Variants in FURIN observed in about 807,000 individuals in gnomAD.
FURIN encodes the protein FES upstream region.
FURIN carries 18 observed loss-of-function variants against 89.2 expected under a neutral mutation model. The ratio of observed to expected loss-of-function variants is 0.20; its 90% CI spans 0.14 to 0.30. FURIN has a LOEUF of 0.30. FURIN is among the 10% of genes least tolerant of loss of function. The pLI is 1.00. For synonymous variants in FURIN, 508 were observed against 466.4 expected, an observed-to-expected ratio of 1.09 and a Z score of -1.15; for missense variants, 879 against 1,100.5, an observed-to-expected ratio of 0.80 and a Z score of 2.85.
In FURIN at chr15:90,880,251, C is replaced by A. The variant is rs200240604; in HGVS notation, c.1534C>A (p.Arg512Ser). The A allele has an allele frequency of 6.2e-6, 10 of 1,607,948 alleles. No homozygotes were observed. The East Asian group carries it at 2.0e-4, about 32-fold the overall frequency. The change falls in exon 13 of 16, where the codon CGC (arginine) becomes AGC (serine). Residue 512 changes from arginine (R) to serine (S), a missense_variant. This residue lies in a region of FURIN where 457 missense variants were observed against 490.7 expected (regional missense o/e 0.93). Coordinates refer to ENST00000268171, the MANE Select transcript of FURIN (RefSeq NM_002569.4). ...CCACCTGGTCAGCCCCATGGGCACC[C>A]GCTCCACCCTGCTGGCAGCCAGGTG... ...AIHLVSPMGT[R>S]STLLAARPHD...
chr15:90,874,126 T>A (rs1643915244), intron 1 of FURIN, among the ~76,000 whole-genome samples: 1 of 152,246 alleles, frequency 6.6e-6, no homozygotes, highest in South Asian at 2.1e-4. Flanking sequence ...CCAGCAGCAC[T>A]GCTGGGACCT....
At position 90,878,138 on chromosome 15, in the gene FURIN, G is replaced by C; in HGVS notation, c.674G>C (p.Arg225Pro). ...GCCCCCCCTTCACGGCCAGGGGTGCGCATGCTGGATGGCGAGGTGACAGAT... is the reference window on the plus strand; with the variant it reads ...GCCCCCCCTTCACGGCCAGGGGTGCCCATGCTGGATGGCGAGGTGACAGAT... Reference protein sequence around the residue: ...VAYNARIGGVRMLDGEVTDAV... With the variant: ...VAYNARIGGVPMLDGEVTDAV... Residue 225 changes from arginine to proline, a missense_variant, in exon 8 of 16, where the codon CGC becomes CCC. By Grantham distance (103) the Arg-to-Pro change is moderately radical (BLOSUM62 -2). Coordinates refer to ENST00000268171, the MANE Select transcript of FURIN (RefSeq NM_002569.4). 6.2e-7 allele frequency: 1 copy of C among 1,613,718 alleles called. No individual in the cohort carries two copies. Among genetic ancestry groups the C allele is most frequent in the Non-Finnish European group, 8.5e-7 (1 of 1,179,992 alleles).
chr15:90,874,542 G>T (rs2031501189), intron 1 of FURIN, among the ~76,000 whole-genome samples: 1 of 152,236 alleles, frequency 6.6e-6, no homozygotes, highest in Admixed American at 6.5e-5. Context: ...ACCCCCTCAG[G>T]ACATGGCCCC....
intron 1 of FURIN, among the ~76,000 whole-genome samples, chr15:90,870,308 G>A (rs1400902248): frequency 6.6e-6 from 1 of 152,110 alleles, no homozygotes; most frequent in Non-Finnish European, 1.5e-5. Flanking sequence ...TAACCTCTCT[G>A]GGCCTCAGTT....
At chr15:90,880,868 T>TCGAGCACTGGGTGTGGTG in intron 14 of FURIN, 53 bp downstream of exon 14, 1 of 1,610,818 alleles carries the variant, frequency 6.2e-7, no homozygotes, top group Non-Finnish European at 8.5e-7. Context: ...TGGCAGGATC[T>TCGAGCACTGGGTGTGGTG]CGAGCACTGG....
Position 90,881,116 on chromosome 15 carries a change from C to A in FURIN, c.1792+76C>A. ...CGGGTGCCTGTCCTGAAGCCCAGCT[C>A]TAACAGAAAAAAGTCTCAAGAGACC... On this transcript the variant is annotated intron_variant, in intron 15 of 15. Transcript: ENST00000268171. This position sits in a 1 kb window ranked among gnomAD's most constrained non-coding sequence, Gnocchi z 4.3. 1 of 1,247,130 alleles carries A rather than the reference C, an allele frequency of 8.0e-7. No homozygotes were observed. Among genetic ancestry groups the A allele is most frequent in the South Asian group, 1.2e-5 (1 of 82,620 alleles). 77.3% of individuals were successfully genotyped at this position (1,247,130 alleles called of 1,614,324 possible). A position where few individuals can be genotyped will look rare whatever the true frequency, so the allele number is the denominator to read the frequency against.
At chr15:90,879,345 T>C in intron 9 of FURIN, 99 bp from the exon 10 acceptor site, 1 of 889,576 alleles carries the variant, frequency 1.1e-6, no homozygotes, top group Non-Finnish European at 1.9e-6. Flanking sequence ...CCATACCATC[T>C]GTGGTGCCCA....
chr15:90,880,310 G>A (rs764780826), intron 13 of FURIN, 37 bp downstream of exon 13: 23 of 1,535,394 alleles, frequency 1.5e-5, no homozygotes, highest in Admixed American at 7.2e-5. Flanking sequence ...GCCCAGCGCC[G>A]CCGCCTCTCA....
chr15:90,878,369 G>GT, intron 8 of FURIN, 65 bp downstream of exon 8: 3 of 1,325,304 alleles, frequency 2.3e-6, no homozygotes, highest in Non-Finnish European at 3.0e-6. Context: ...CCTATCTTGT[G>GT]TTTTTTGGTT....
rs2031941823 is a variant in FURIN, at chr15:90,881,133, CAA to C, written c.1792+94_1792+95del. ...GCCCAGCTCTAACAGAAAAAAGTCTCAAGAGACCTAGGGCCCCTGGGGCTCTT... is the reference window on the plus strand; with the variant it reads ...GCCCAGCTCTAACAGAAAAAAGTCTCGAGACCTAGGGCCCCTGGGGCTCTT... On this transcript the variant is annotated intron_variant, in intron 15 of 15. Transcript: ENST00000268171. The surrounding 1 kb of genome is among the most constrained non-coding windows in gnomAD (Gnocchi z 4.3). The C allele has an allele frequency of 1.7e-6, 2 of 1,167,232 alleles. No individual in the cohort carries two copies. Among genetic ancestry groups the C allele is most frequent in the African/African-American group, 1.5e-5 (1 of 65,590 alleles). The allele number at this position is 1,167,232 out of a possible 1,614,324, so 72.3% of individuals were successfully genotyped here.
chr15:90,874,014 C>G (rs2031467398), intron 1 of FURIN, among the ~76,000 whole-genome samples: 1 of 152,210 alleles, frequency 6.6e-6, no homozygotes, highest in African/African-American at 2.4e-5. Context: ...GCTGGGGTGC[C>G]TTCCTTTTGG....
chr15:90,875,651 C>A lies in FURIN; in HGVS notation c.-90C>A. 8.1e-7 allele frequency: 1 copy of A among 1,230,332 alleles called. No homozygotes were observed. Among genetic ancestry groups the A allele is most frequent in the Non-Finnish European group, 1.1e-6 (1 of 902,490 alleles). 76.2% of individuals were successfully genotyped at this position (1,230,332 alleles called of 1,614,324 possible). On this transcript the variant is annotated 5_prime_UTR_variant, in exon 2 of 16. Transcript: ENST00000268171. The stretch of plus-strand genomic sequence containing the variant: ...ATGCCCCCACCAGTCAGCCCCGGGC[C>A]ACAGGCAGTGAGCAGGCACCTGGGA...
In FURIN at chr15:90,876,957, A is replaced by G; in HGVS notation, c.434A>G (p.His145Arg). 6.2e-7 allele frequency: 1 copy of G among 1,614,128 alleles called. No individual in the cohort carries two copies. The highest frequency in any genetic ancestry group is 1.1e-5 in the South Asian group (1 of 91,076). The change falls in exon 5 of 16, where the codon CAC becomes CGC. Residue 145 changes from histidine (H) to arginine (R), a missense_variant. Physicochemically the swap from His to Arg is conservative, Grantham distance 29. Around this residue, in one of 5 missense-constraint regions of FURIN, gnomAD observed 139 missense variants for 215.0 expected, o/e 0.65. Coordinates refer to ENST00000268171, the MANE Select transcript of FURIN (RefSeq NM_002569.4). This position sits in a 1 kb window ranked among gnomAD's most constrained non-coding sequence, Gnocchi z 5.0. ...KAAWAQGYTG[H>R]GIVVSILDDG... Reference sequence around the variant, plus strand: ...GCCTGGGCGCAGGGCTACACAGGGCACGGCATTGTGGTCTCCATTCTGGAC... The same window carrying G: ...GCCTGGGCGCAGGGCTACACAGGGCGCGGCATTGTGGTCTCCATTCTGGAC...
At chr15:90,880,449 C>T (rs1334783918) in intron 13 of FURIN, among the ~76,000 whole-genome samples, 176 bp downstream of exon 13, 2 of 152,254 alleles carry the variant, frequency 1.3e-5, no homozygotes, top group African/African-American at 4.8e-5. Flanking sequence ...GCAGGAATCC[C>T]TGGCTTGCAA....
chr15:90,876,187 C>A lies in FURIN; in HGVS notation c.178-68C>A, dbSNP rs1323904768. 6.5e-6 allele frequency: 7 copies of A among 1,068,952 alleles called. No homozygotes were observed. The highest frequency in any genetic ancestry group is 2.5e-5 in the African/African-American group (1 of 40,348). 66.2% of individuals were successfully genotyped at this position (1,068,952 alleles called of 1,614,324 possible). A position where few individuals can be genotyped will look rare whatever the true frequency, so the allele number is the denominator to read the frequency against. On this transcript the variant is annotated intron_variant, in intron 2 of 15. Coordinates refer to ENST00000268171, the MANE Select transcript of FURIN (RefSeq NM_002569.4). This position sits in a 1 kb window ranked among gnomAD's most constrained non-coding sequence, Gnocchi z 5.0. ...GAGCCTCCCATGAAGCCGTTGTCCA[C>A]CCCCGTCCCCCGCCTCCCGGGGACT...
At chr15:90,872,376 C>G (rs921857275) in intron 1 of FURIN, among the ~76,000 whole-genome samples, 1 of 152,148 alleles carries the variant, frequency 6.6e-6, no homozygotes, top group Non-Finnish European at 1.5e-5. Flanking sequence ...TCCTCTACCC[C>G]CTGGCCCCTG....
At position 90,878,925 on chromosome 15, in the gene FURIN, G is replaced by A. The variant is rs377529970; in HGVS notation, c.1002G>A (p.Ser334=). 9 of 1,611,902 alleles carry A rather than the reference G, an allele frequency of 5.6e-6. No individual in the cohort carries two copies. The highest frequency in any genetic ancestry group is 2.2e-5 in the South Asian group (2 of 90,990). The stretch of plus-strand genomic sequence containing the variant: ...TGCCGTGGTACAGCGAGGCCTGCTC[G>A]TCCACACTGGCCACGACCTACAGCA... The part of the protein sequence containing the change: ...GNVPWYSEAC[S]STLATTYSSG... Residue 334 remains serine (S), a synonymous_variant, in exon 9 of 16, where the codon TCG becomes TCA. Transcript: ENST00000268171.
In FURIN at chr15:90,881,626, A is replaced by G. The variant is rs376540057; in HGVS notation, c.2133A>G (p.Ser711=). 19 of 1,596,242 alleles carry G rather than the reference A, an allele frequency of 1.2e-5. No individual in the cohort carries two copies. In the African/African-American group the frequency reaches 2.4e-4, roughly 20 times the overall value. ...GGCTGCGGGCAGGGCTGCTGCCCTC[A>G]CACCTGCCTGAGGTGGTGGCCGGCC... ...GQRLRAGLLP[S]HLPEVVAGLS... The change falls in exon 16 of 16, where the codon TCA becomes TCG. Residue 711 remains serine (S), a synonymous_variant. Coordinates refer to ENST00000268171, the MANE Select transcript of FURIN (RefSeq NM_002569.4). The surrounding 1 kb of genome is among the most constrained non-coding windows in gnomAD (Gnocchi z 4.3).
Position 90,876,684 on chromosome 15 carries a change from GTC to G in FURIN, c.372+132_372+133del, listed in dbSNP as rs2031650185. On this transcript the variant is annotated intron_variant, in intron 4 of 15. Transcript: ENST00000268171. The surrounding 1 kb of genome is among the most constrained non-coding windows in gnomAD (Gnocchi z 5.0). ...TCGTTTCCTTTCCTCCTGCTGGGCA[GTC>G]TCTCCTTGGCCCATCCTAATAAGCA... 1 of 820,686 alleles carries G rather than the reference GTC, an allele frequency of 1.2e-6. No individual in the cohort carries two copies. Among genetic ancestry groups the G allele is most frequent in the Non-Finnish European group, 2.0e-6 (1 of 490,972 alleles). 50.8% of individuals were successfully genotyped at this position (820,686 alleles called of 1,614,324 possible). A position where few individuals can be genotyped will look rare whatever the true frequency, so the allele number is the denominator to read the frequency against.
Sources: gnomAD v4.1 joint callset for allele counts (sites outside exome capture counted in the v4.1 genomes callset) on GRCh38, gnomAD v4.1.1 for gene constraint, gnomAD v4.1.1 regional missense constraint, Gnocchi (gnomAD v3.1) non-coding constraint, MANE v1.5 for transcripts, NCBI Gene and HGNC (gene_info 2026-07-23, HGNC 2026-07-21) for gene names.